KCNIP4: variants seen among roughly 807,000 people sequenced by gnomAD.
KCNIP4 encodes potassium voltage-gated channel interacting protein 4.
Under a neutral mutation model 34.0 loss-of-function variants are expected in KCNIP4, and 12 were observed. The observed-to-expected ratio is 0.35, with a 90% CI of 0.23 to 0.57. KCNIP4 has a LOEUF of 0.57. Among genes scored for constraint, KCNIP4 ranks in the 20% least tolerant of loss-of-function variants. KCNIP4 has a pLI of 0.83. For missense variants in KCNIP4, 238 were observed against 311.7 expected (o/e 0.76, Z 1.78); for synonymous variants, 124 against 102.2 (o/e 1.21, Z -1.29).
At chr4:20,903,892 G>T (rs1377176814) in intron 1 of KCNIP4, among the ~76,000 whole-genome samples, 2 of 152,076 alleles carry the variant, frequency 1.3e-5, no homozygotes, top group Non-Finnish European at 2.9e-5. Flanking sequence ...TGTCATCCAC[G>T]CCTCCCTCCT....
rs147159740 is a variant in KCNIP4 at position 20,996,253 on chromosome 4, C to T, written c.62-113544G>A. Reference sequence around the variant, plus strand: ...AACTCCTGTCTAATTTTGTTACTTTCGCTCTCACACCCCTAAGGTCTATTT... The same window carrying T: ...AACTCCTGTCTAATTTTGTTACTTTTGCTCTCACACCCCTAAGGTCTATTT... On this transcript the variant is annotated intron_variant, in intron 1 of 8. Coordinates refer to ENST00000382152, the MANE Select transcript of KCNIP4 (RefSeq NM_025221.6). Among the ~76,000 whole-genome samples the T allele has an allele frequency of 1.4e-3, 211 of 152,300 alleles. 1 individual carries two copies. The East Asian group carries it at 0.02, about 14-fold the overall frequency.
intron 1 of KCNIP4, among the ~76,000 whole-genome samples, chr4:21,055,388 T>C (rs1275584638): frequency 6.6e-6 from 1 of 152,186 alleles, no homozygotes; most frequent in Non-Finnish European, 1.5e-5. Context: ...AACATAATGT[T>C]ATCATATGAT....
At chr4:21,082,948 A>G (rs543246094) in intron 1 of KCNIP4, among the ~76,000 whole-genome samples, 3 of 151,722 alleles carry the variant, frequency 2.0e-5, no homozygotes, top group Non-Finnish European at 4.4e-5. Flanking sequence ...AACATTTTAC[A>G]TAAGTAGTAA....
intron 1 of KCNIP4, among the ~76,000 whole-genome samples, chr4:21,476,752 T>G (rs1257192430): frequency 6.6e-6 from 1 of 152,182 alleles, no homozygotes; most frequent in East Asian, 1.9e-4. Flanking sequence ...CGCTGTGATA[T>G]TCATGTTTCT....
chr4:21,569,386 CA>C (rs1204261316), intron 1 of KCNIP4, among the ~76,000 whole-genome samples: 1 of 151,626 alleles, frequency 6.6e-6, no homozygotes, highest in African/African-American at 2.4e-5. Flanking sequence ...AACTGCTTAC[CA>C]TGAGTGCTAG....
chr4:20,940,092 A>G (rs1405961217), intron 1 of KCNIP4, among the ~76,000 whole-genome samples: 1 of 152,134 alleles, frequency 6.6e-6, no homozygotes, highest in East Asian at 1.9e-4. Flanking sequence ...TTTCGCAATG[A>G]TGTGCCTCTG....
At chr4:21,416,129 G>A (rs774572603) in intron 1 of KCNIP4, among the ~76,000 whole-genome samples, 20 of 152,172 alleles carry the variant, frequency 1.3e-4, no homozygotes, top group Non-Finnish European at 2.5e-4. Flanking sequence ...ATTTAATTAG[G>A]ATTTGAAAGT....
chr4:21,165,446 C>A (rs1295990185), intron 1 of KCNIP4, among the ~76,000 whole-genome samples: 15 of 1,118 alleles, frequency 0.013, no homozygotes, highest in Non-Finnish European at 0.019. Context: ...TGTTTGAAAG[C>A]ATCAAAAAAA....
intron 1 of KCNIP4, among the ~76,000 whole-genome samples, chr4:20,949,853 G>A (rs7441553): frequency 0.19 from 23,162 of 124,352 alleles, 2,553 homozygotes; most frequent in East Asian, 0.48. Context: ...CTCTGGGGAC[G>A]GTTGGGGGGT....
At chr4:21,532,557 C>T in intron 1 of KCNIP4, among the ~76,000 whole-genome samples, 1 of 152,124 alleles carries the variant, frequency 6.6e-6, no homozygotes, top group Non-Finnish European at 1.5e-5. Flanking sequence ...TGTAACACCA[C>T]ACATAGCAGC....
chr4:21,924,032 A>G (rs969920823), intron 1 of KCNIP4, among the ~76,000 whole-genome samples: 1 of 152,138 alleles, frequency 6.6e-6, no homozygotes, highest in African/African-American at 2.4e-5. Flanking sequence ...TTGGGTTTCT[A>G]CTTCTACAAT....
intron 1 of KCNIP4, among the ~76,000 whole-genome samples, chr4:21,483,536 T>C (rs1731636158): frequency 6.6e-6 from 1 of 152,080 alleles, no homozygotes; most frequent in Middle Eastern, 3.2e-3. Context: ...ACGCCTGTAA[T>C]CCCAGCACTT....
intron 1 of KCNIP4, among the ~76,000 whole-genome samples, chr4:21,546,015 TTACTC>T (rs1274601050): frequency 2.6e-5 from 4 of 152,148 alleles, no homozygotes; most frequent in African/African-American, 9.7e-5. Context: ...TGCTTTCACT[TTACTC>T]TATGGACTTG....
chr4:21,884,289 G>T (rs570830116), intron 1 of KCNIP4, among the ~76,000 whole-genome samples: 1 of 152,152 alleles, frequency 6.6e-6, no homozygotes, highest in East Asian at 1.9e-4. Flanking sequence ...GGGGAATAGC[G>T]CATGGAGAAA....
At chr4:21,824,228 T>A (rs919417781) in intron 1 of KCNIP4, among the ~76,000 whole-genome samples, 1 of 152,140 alleles carries the variant, frequency 6.6e-6, no homozygotes, top group African/African-American at 2.4e-5. Context: ...ACAGTTTAAT[T>A]TTGAAACGAA....
intron 1 of KCNIP4, among the ~76,000 whole-genome samples, chr4:21,904,200 C>T (rs1290330615): frequency 1.3e-5 from 2 of 152,204 alleles, no homozygotes; most frequent in Non-Finnish European, 2.9e-5. Flanking sequence ...CCCTCCCTAG[C>T]TTCACCTCTT....
At chr4:21,461,180 T>C (rs770615723) in intron 1 of KCNIP4, among the ~76,000 whole-genome samples, 112 of 151,962 alleles carry the variant, frequency 7.4e-4, no homozygotes, top group Non-Finnish European at 1.2e-3. Flanking sequence ...TCTCATGAGA[T>C]CTGGCTGTTT....
chr4:21,655,392 C>T (rs1469698051), intron 1 of KCNIP4, among the ~76,000 whole-genome samples: 1 of 151,948 alleles, frequency 6.6e-6, no homozygotes, highest in Non-Finnish European at 1.5e-5. Context: ...ACTGCCAACA[C>T]ATTTTACAAG....
chr4:21,715,642 T>C (rs931570966), intron 1 of KCNIP4, among the ~76,000 whole-genome samples: 1 of 152,182 alleles, frequency 6.6e-6, no homozygotes, highest in African/African-American at 2.4e-5. Flanking sequence ...GTTTAACAAA[T>C]ATGAATTGGA....
Sources: allele counts gnomAD v4.1 joint callset (sites outside exome capture counted in the v4.1 genomes callset), GRCh38; gene constraint gnomAD v4.1.1; transcripts MANE v1.5; gene names NCBI Gene and HGNC (gene_info 2026-07-23, HGNC 2026-07-21).